The following PAPPA variants were observed in gnomAD, a reference collection of about 807,000 sequenced individuals.
The protein encoded by PAPPA is pappalysin-1.
PAPPA carries 60 observed loss-of-function variants against 164.0 expected under a neutral mutation model. The observed-to-expected ratio is 0.37, with a 90% CI of 0.30 to 0.45. The LOEUF is 0.45. Ranked by LOEUF, PAPPA falls within the 20% of genes least tolerant of loss-of-function variation. PAPPA has a pLI of 1.00. For synonymous variants in PAPPA, 875 were observed against 814.1 expected (o/e 1.07, Z -1.27); for missense variants, 1,782 against 2,087.3 (o/e 0.85, Z 2.85).
intron 19 of PAPPA, among the ~76,000 whole-genome samples, chr9:116,369,216 G>C (rs998053681): frequency 6.6e-6 from 1 of 151,866 alleles, no homozygotes; most frequent in African/African-American, 2.4e-5. Context: ...CAAACCTCAA[G>C]CTCTTTCATC....
At chr9:116,272,040 C>T (rs371218280) in intron 9 of PAPPA, among the ~76,000 whole-genome samples, 13 of 152,172 alleles carry the variant, frequency 8.5e-5, no homozygotes, top group African/African-American at 3.1e-4. Context: ...GTCCTTTTCC[C>T]ACCTTCACCG....
intron 2 of PAPPA, among the ~76,000 whole-genome samples, chr9:116,195,398 G>A (rs78711279): frequency 0.052 from 7,845 of 152,196 alleles, 550 homozygotes; most frequent in African/African-American, 0.16. Context: ...TAAGGAGCTC[G>A]AAACAGTGAC....
At chr9:116,208,451 C>A (rs775741614) in intron 3 of PAPPA, among the ~76,000 whole-genome samples, 2 of 152,094 alleles carry the variant, frequency 1.3e-5, no homozygotes, top group African/African-American at 2.4e-5. Context: ...AGAAAAGCAC[C>A]CTTGTGGGTT....
At chr9:116,272,259 C>A (rs979043074) in intron 9 of PAPPA, among the ~76,000 whole-genome samples, 6 of 152,182 alleles carry the variant, frequency 3.9e-5, no homozygotes, top group Non-Finnish European at 7.3e-5. Context: ...GGTCCCCCAG[C>A]TAATCCCCTG....
intron 5 of PAPPA, among the ~76,000 whole-genome samples, chr9:116,223,823 C>G (rs1844473409): frequency 6.6e-6 from 1 of 152,178 alleles, no homozygotes; most frequent in African/African-American, 2.4e-5. Context: ...TTATCACTCC[C>G]AGTCAATGGG....
intron 2 of PAPPA, among the ~76,000 whole-genome samples, chr9:116,203,874 G>A (rs452312): frequency 0.55 from 83,076 of 151,988 alleles, 24,717 homozygotes; most frequent in East Asian, 0.77. Flanking sequence ...AAACTAATGG[G>A]CATTCTTAAG....
chr9:116,313,881 T>C (rs963589595), intron 10 of PAPPA, among the ~76,000 whole-genome samples: 8 of 152,010 alleles, frequency 5.3e-5, no homozygotes, highest in Non-Finnish European at 8.8e-5. Context: ...GCTACTTGCA[T>C]TGAGATCTCG....
At chr9:116,260,817 G>T (rs911507480) in intron 7 of PAPPA, among the ~76,000 whole-genome samples, 11 of 152,054 alleles carry the variant, frequency 7.2e-5, no homozygotes, top group African/African-American at 2.7e-4. Context: ...TATTTCATAG[G>T]GAAATACTAT....
intron 5 of PAPPA, among the ~76,000 whole-genome samples, chr9:116,223,214 G>A (rs948203033): frequency 5.9e-5 from 9 of 152,162 alleles, no homozygotes; most frequent in African/African-American, 2.2e-4. Context: ...AACCTCGTGT[G>A]ACACTTCAGA....
intron 7 of PAPPA, among the ~76,000 whole-genome samples, chr9:116,259,960 T>C (rs1844981691): frequency 6.6e-6 from 1 of 152,168 alleles, no homozygotes; most frequent in Admixed American, 6.5e-5. Flanking sequence ...TTATGATATA[T>C]TCATATGGTA....
At chr9:116,384,616 T>G (rs1475412073) in intron 21 of PAPPA, among the ~76,000 whole-genome samples, 1 of 152,204 alleles carries the variant, frequency 6.6e-6, no homozygotes, top group Non-Finnish European at 1.5e-5. Flanking sequence ...TAATTTTAAC[T>G]AAAATGATGC....
At chr9:116,350,824 T>C (rs1169104696) in intron 15 of PAPPA, among the ~76,000 whole-genome samples, 2 of 152,226 alleles carry the variant, frequency 1.3e-5, no homozygotes, top group Non-Finnish European at 2.9e-5. Flanking sequence ...TATGCTTCTA[T>C]GGAAACCAAA....
chr9:116,181,026 A>G (rs75107018), intron 1 of PAPPA, among the ~76,000 whole-genome samples: 13,765 of 152,242 alleles, frequency 0.09, 1,052 homozygotes, highest in Non-Finnish European at 0.12. Context: ...CACACCACCA[A>G]TTTTGCTATC....
chr9:116,377,185 C>T (rs1405040413), intron 19 of PAPPA, among the ~76,000 whole-genome samples: 8 of 151,568 alleles, frequency 5.3e-5, no homozygotes, highest in Non-Finnish European at 8.8e-5. Context: ...CACATACACA[C>T]ACACACATGC....
intron 9 of PAPPA, among the ~76,000 whole-genome samples, chr9:116,301,722 G>C (rs1049374853): frequency 6.6e-6 from 1 of 152,160 alleles, no homozygotes; most frequent in Non-Finnish European, 1.5e-5. Context: ...GATGACATGG[G>C]AGCTTGAGAA....
chr9:116,359,587 G>A (rs1261267300), intron 17 of PAPPA, among the ~76,000 whole-genome samples: 3 of 152,218 alleles, frequency 2.0e-5, no homozygotes, highest in African/African-American at 7.2e-5. Flanking sequence ...GACTCAGTCA[G>A]CAATAATTGA....
chr9:116,320,568 G>T (rs889540118), intron 10 of PAPPA, among the ~76,000 whole-genome samples: 1 of 152,118 alleles, frequency 6.6e-6, no homozygotes, highest in Non-Finnish European at 1.5e-5. Context: ...TGAAAGAAAC[G>T]CAAACCACCC....
chr9:116,390,080 T>C (rs1050147852), intron 21 of PAPPA, among the ~76,000 whole-genome samples: 4 of 152,192 alleles, frequency 2.6e-5, no homozygotes, highest in African/African-American at 9.6e-5. Flanking sequence ...GTGTGACAGA[T>C]ACTGTACTAG....
At chr9:116,294,565 A>G (rs1845477981) in intron 9 of PAPPA, among the ~76,000 whole-genome samples, 1 of 152,238 alleles carries the variant, frequency 6.6e-6, no homozygotes, top group South Asian at 2.1e-4. Context: ...ATATGCCAAT[A>G]TATAGCCACC....
Sources: allele counts gnomAD v4.1 joint callset (sites outside exome capture counted in the v4.1 genomes callset), GRCh38; gene constraint gnomAD v4.1.1; transcripts MANE v1.5; gene names NCBI Gene and HGNC (gene_info 2026-07-23, HGNC 2026-07-21).